Variants in GRIA4 observed in about 807,000 individuals in gnomAD.
The protein encoded by GRIA4 is glutamate ionotropic receptor AMPA type subunit 4.
GRIA4 carries 34 observed loss-of-function variants against 104.0 expected under a neutral mutation model. The ratio of observed to expected loss-of-function variants is 0.33; its 90% CI spans 0.25 to 0.44. GRIA4 has a LOEUF of 0.44. Ranked by LOEUF, GRIA4 falls within the 20% of genes least tolerant of loss-of-function variation. The probability of loss-of-function intolerance (pLI) is 1.00; values close to 1 mark genes in which losing one functional copy is unlikely to be tolerated. For missense variants in GRIA4, 750 were observed against 1,096.5 expected (o/e 0.68, Z 4.46); for synonymous variants, 386 against 381.9 (o/e 1.01, Z -0.13).
intron 16 of GRIA4, among the ~76,000 whole-genome samples, chr11:105,975,394 T>C (rs562546): frequency 0.65 from 98,085 of 151,744 alleles, 31,742 homozygotes; most frequent in Middle Eastern, 0.72. Flanking sequence ...CAATCCAGGT[T>C]AGCCCCACTT....
intron 5 of GRIA4, among the ~76,000 whole-genome samples, chr11:105,872,558 G>C (rs1168144066): frequency 2.0e-5 from 3 of 152,040 alleles, no homozygotes; most frequent in Non-Finnish European, 4.4e-5. Flanking sequence ...AATTCAGCAA[G>C]TATTCCTCCC....
At chr11:105,727,576 A>G (rs1203676286) in intron 3 of GRIA4, among the ~76,000 whole-genome samples, 7 of 152,278 alleles carry the variant, frequency 4.6e-5, no homozygotes, top group Non-Finnish European at 8.8e-5. Flanking sequence ...CATAATCATC[A>G]GATTCACCAA....
intron 3 of GRIA4, among the ~76,000 whole-genome samples, chr11:105,620,525 C>T (rs753320678): frequency 1.1e-4 from 16 of 151,660 alleles, no homozygotes; most frequent in Non-Finnish European, 1.5e-4. Flanking sequence ...TGACTGTCGC[C>T]GGTTAACCTT....
intron 3 of GRIA4, among the ~76,000 whole-genome samples, chr11:105,627,643 A>G (rs1168444781): frequency 1.3e-5 from 2 of 152,150 alleles, no homozygotes; most frequent in South Asian, 2.1e-4. Flanking sequence ...ACTGTTTTTC[A>G]GCAAGAACTG....
At chr11:105,761,775 T>TTA (rs1292021110) in intron 4 of GRIA4, among the ~76,000 whole-genome samples, 1 of 152,178 alleles carries the variant, frequency 6.6e-6, no homozygotes, top group Non-Finnish European at 1.5e-5. Flanking sequence ...CATTCATAGT[T>TTA]TACACTTTAT....
rs1000163970 is a variant in GRIA4 at position 105,907,393 on chromosome 11, G to C, written c.1158+2092G>C. ...ATTAAACTTAAAAATGAGCTACCAT[G>C]AGAGACACTATGCTGGTGAAACTAG... On this transcript the variant is annotated intron_variant, in intron 9 of 16. Coordinates refer to ENST00000282499, the MANE Select transcript of GRIA4 (RefSeq NM_000829.4). Among the ~76,000 whole-genome samples, 6 of 152,204 alleles carry C rather than the reference G, an allele frequency of 3.9e-5. No individual in the cohort carries two copies. The East Asian group carries it at 1.2e-3, about 29-fold the overall frequency.
chr11:105,614,616 A>G (rs1950555164), intron 3 of GRIA4, among the ~76,000 whole-genome samples: 1 of 152,034 alleles, frequency 6.6e-6, no homozygotes, highest in East Asian at 1.9e-4. Flanking sequence ...AATATTTGTT[A>G]TAATCACATA....
chr11:105,900,263 GTTTAA>G (rs1946806340), intron 7 of GRIA4, among the ~76,000 whole-genome samples: 1 of 152,148 alleles, frequency 6.6e-6, no homozygotes, highest in East Asian at 1.9e-4. Context: ...TACTCTAAGT[GTTTAA>G]TTTTTCAACC....
At chr11:105,835,201 A>T (rs1419855383) in intron 4 of GRIA4, among the ~76,000 whole-genome samples, 1 of 151,982 alleles carries the variant, frequency 6.6e-6, no homozygotes, top group Non-Finnish European at 1.5e-5. Context: ...GTAGAAAGAA[A>T]AAATTAATTA....
rs1206693256 is a variant in GRIA4, at chr11:105,981,664, T to A, written c.*1925T>A. ...CTTCATGACCTGGCGCTTGCTTATTTCTTCCAGGACTTCTCTCACTTCTAT... is the reference window on the plus strand; with the variant it reads ...CTTCATGACCTGGCGCTTGCTTATTACTTCCAGGACTTCTCTCACTTCTAT... On this transcript the variant is annotated 3_prime_UTR_variant, in exon 17 of 17. Transcript: ENST00000282499. 6.6e-6 allele frequency: 1 copy of A among 152,238 alleles called. No individual in the cohort carries two copies. Among genetic ancestry groups the A allele is most frequent in the Non-Finnish European group, 1.5e-5 (1 of 68,276 alleles). The allele number at this position is 152,238 out of a possible 1,614,324, so 9.4% of individuals were successfully genotyped here.
chr11:105,961,743 G>T (rs956316213), intron 14 of GRIA4, among the ~76,000 whole-genome samples: 1 of 152,152 alleles, frequency 6.6e-6, no homozygotes, highest in Non-Finnish European at 1.5e-5. Context: ...CGGATTTTTG[G>T]ATTAGGGATA....
intron 3 of GRIA4, among the ~76,000 whole-genome samples, chr11:105,743,189 A>T (rs1338750296): frequency 6.6e-6 from 1 of 152,164 alleles, no homozygotes; most frequent in Non-Finnish European, 1.5e-5. Flanking sequence ...TCAAAAATAG[A>T]AGTACAGGCA....
chr11:105,853,615 A>G (rs1004537063), intron 4 of GRIA4, among the ~76,000 whole-genome samples: 13 of 152,210 alleles, frequency 8.5e-5, no homozygotes, highest in African/African-American at 3.1e-4. Context: ...ACAATAAGAC[A>G]TTGCTGATAT....
intron 3 of GRIA4, among the ~76,000 whole-genome samples, chr11:105,724,582 T>C (rs1938068993): frequency 6.6e-6 from 1 of 152,020 alleles, no homozygotes; most frequent in Non-Finnish European, 1.5e-5. Context: ...GGGAGCTAAA[T>C]AGTGTGTATA....
At chr11:105,712,606 T>C (rs1953949833) in intron 3 of GRIA4, among the ~76,000 whole-genome samples, 1 of 152,140 alleles carries the variant, frequency 6.6e-6, no homozygotes, top group African/African-American at 2.4e-5. Context: ...CTATTTTTTG[T>C]GCATAATTTT....
At chr11:105,802,741 C>G (rs1420637263) in intron 4 of GRIA4, among the ~76,000 whole-genome samples, 1 of 150,788 alleles carries the variant, frequency 6.6e-6, no homozygotes, top group African/African-American at 2.4e-5. Context: ...AGGCTATATC[C>G]TACAAGGTAG....
intron 5 of GRIA4, among the ~76,000 whole-genome samples, chr11:105,872,133 C>G (rs183716428): frequency 9.2e-5 from 14 of 152,016 alleles, no homozygotes; most frequent in African/African-American, 2.9e-4. Flanking sequence ...CTAAAAATTC[C>G]TATGGCAAAG....
At chr11:105,938,117 G>C (rs1279926716) in intron 14 of GRIA4, among the ~76,000 whole-genome samples, 1 of 152,320 alleles carries the variant, frequency 6.6e-6, no homozygotes, top group Non-Finnish European at 1.5e-5. Flanking sequence ...GTTCTATGTA[G>C]GTCAAATTAT....
Position 105,879,801 on chromosome 11 carries a change from T to C in GRIA4, c.673-7718T>C, listed in dbSNP as rs530041194. 2.6e-5 allele frequency among the ~76,000 whole-genome samples: 4 copies of C among 152,322 alleles called. No individual in the cohort carries two copies. The South Asian group carries it at 8.3e-4, about 32-fold the overall frequency. The stretch of plus-strand genomic sequence containing the variant: ...GGTATTCATCAATTATCTAATATGA[T>C]AGACAATGTTATTCTCACAGGTATA... On this transcript the variant is annotated intron_variant, in intron 5 of 16. Transcript: ENST00000282499.
Sources: allele counts gnomAD v4.1 joint callset (sites outside exome capture counted in the v4.1 genomes callset), GRCh38; gene constraint gnomAD v4.1.1; transcripts MANE v1.5; gene names NCBI Gene and HGNC (gene_info 2026-07-23, HGNC 2026-07-21).